FIRRM: variants seen among roughly 807,000 people sequenced by gnomAD.
The protein encoded by FIRRM is FIGNL1-interacting regulator of recombination and mitosis.
At chr1:169,802,490 G>A in the FIRRM span, 7 of 557,800 alleles carry the variant, frequency 1.3e-5, no homozygotes, top group African/African-American at 1.3e-4. Flanking sequence ...CAATTGTTAA[G>A]CTAGATGATA....
At chr1:169,842,316 A>AAAT in the FIRRM span, 1 of 1,162,920 alleles carries the variant, frequency 8.6e-7, no homozygotes, top group Admixed American at 2.6e-5. Context: ...GGACTTTATG[A>AAAT]AGAGTTAAAA....
chr1:169,852,904 G>A, the FIRRM span: 1 of 1,614,002 alleles, frequency 6.2e-7, no homozygotes, highest in African/African-American at 1.3e-5. Flanking sequence ...AAAGGGTCCT[G>A]CTCCAGCCTG....
the FIRRM span, chr1:169,826,057 G>A: frequency 6.7e-6 from 2 of 298,070 alleles, no homozygotes; most frequent in Admixed American, 3.2e-5. Flanking sequence ...TCAGCATTCT[G>A]CCTATTTTAA....
the FIRRM span, among the ~76,000 whole-genome samples, chr1:169,788,175 A>C: frequency 6.6e-6 from 1 of 152,182 alleles, no homozygotes; most frequent in Non-Finnish European, 1.5e-5. Flanking sequence ...GGCTTAAAAT[A>C]TATACAACTG....
chr1:169,836,189 C>T, the FIRRM span, among the ~76,000 whole-genome samples: 2 of 151,660 alleles, frequency 1.3e-5, no homozygotes, highest in African/African-American at 4.8e-5. Flanking sequence ...TTGGATTATA[C>T]TTATTTTAAT....
At chr1:169,853,583 G>T in the FIRRM span, 1 of 926,838 alleles carries the variant, frequency 1.1e-6, no homozygotes, top group South Asian at 1.5e-5. Context: ...GCACAGACTG[G>T]ATAATGAGCT....
At chr1:169,812,518 G>A in the FIRRM span, among the ~76,000 whole-genome samples, 1 of 152,124 alleles carries the variant, frequency 6.6e-6, no homozygotes, top group Non-Finnish European at 1.5e-5. Flanking sequence ...AATAAACTTT[G>A]TGCTTTTAAA....
At chr1:169,799,893 T>C in the FIRRM span, among the ~76,000 whole-genome samples, 1 of 152,046 alleles carries the variant, frequency 6.6e-6, no homozygotes, top group East Asian at 1.9e-4. Context: ...AAGATCTCAC[T>C]CTATTGCCCA....
chr1:169,813,613 A>G, the FIRRM span, among the ~76,000 whole-genome samples: 47 of 152,222 alleles, frequency 3.1e-4, no homozygotes, highest in Middle Eastern at 3.2e-3. Flanking sequence ...AGAACGTTTT[A>G]TTTGGGAGGA....
the FIRRM span, among the ~76,000 whole-genome samples, chr1:169,791,931 C>A: frequency 6.6e-6 from 1 of 152,176 alleles, no homozygotes; most frequent in Non-Finnish European, 1.5e-5. Flanking sequence ...TATACTCCCC[C>A]AAATCTGGAA....
chr1:169,814,931 A>G, the FIRRM span, among the ~76,000 whole-genome samples: 1 of 152,008 alleles, frequency 6.6e-6, no homozygotes, highest in East Asian at 1.9e-4. Flanking sequence ...CACACTTGGT[A>G]CATTTCAGTT....
the FIRRM span, chr1:169,827,113 G>A: frequency 6.2e-7 from 1 of 1,613,752 alleles, no homozygotes; most frequent in African/African-American, 1.3e-5. Flanking sequence ...GAAATAGCAG[G>A]TGCTTTCCTA....
the FIRRM span, among the ~76,000 whole-genome samples, chr1:169,805,197 A>G: frequency 6.6e-6 from 1 of 152,216 alleles, no homozygotes; most frequent in African/African-American, 2.4e-5. Flanking sequence ...TTCACTATTT[A>G]TTTATTCATG....
At chr1:169,836,563 G>A in the FIRRM span, among the ~76,000 whole-genome samples, 1 of 152,052 alleles carries the variant, frequency 6.6e-6, no homozygotes, top group African/African-American at 2.4e-5. Context: ...TTGTATATTT[G>A]GAATATTACT....
chr1:169,825,749 T>G, the FIRRM span, among the ~76,000 whole-genome samples: 2 of 152,334 alleles, frequency 1.3e-5, no homozygotes, highest in South Asian at 2.1e-4. Context: ...ATTGACAGAT[T>G]GGTGCTTTTT....
chr1:169,816,513 T>C, the FIRRM span, among the ~76,000 whole-genome samples: 1 of 152,244 alleles, frequency 6.6e-6, no homozygotes, highest in African/African-American at 2.4e-5. Context: ...TTTTTATACT[T>C]GGTCTGATTA....
At chr1:169,793,465 ACTGT>A in the FIRRM span, 3 of 1,614,034 alleles carry the variant, frequency 1.9e-6, no homozygotes, top group African/African-American at 2.7e-5. Flanking sequence ...CACTGAGTGG[ACTGT>A]CTGTGTCTTG....
the FIRRM span, among the ~76,000 whole-genome samples, chr1:169,785,389 G>T: frequency 6.6e-6 from 1 of 152,198 alleles, no homozygotes; most frequent in Non-Finnish European, 1.5e-5. Context: ...TTGGTACCCA[G>T]GTCCTTGTCT....
chr1:169,846,744 G>A, the FIRRM span, among the ~76,000 whole-genome samples: 1 of 152,188 alleles, frequency 6.6e-6, no homozygotes, highest in Non-Finnish European at 1.5e-5. Flanking sequence ...ATTGTGGCTG[G>A]TTTGATCTAT....
Sources: gnomAD v4.1 joint callset for allele counts (sites outside exome capture counted in the v4.1 genomes callset) on GRCh38, gnomAD v4.1.1 for gene constraint, MANE v1.5 for transcripts, NCBI Gene and HGNC (gene_info 2026-07-23, HGNC 2026-07-21) for gene names.